Variants in BEND6 observed in about 807,000 individuals in gnomAD.
The protein encoded by BEND6 is BEN domain containing 6.
BEND6 carries 24 observed loss-of-function variants against 31.8 expected under a neutral mutation model. The observed-to-expected ratio is 0.75, with a 90% CI of 0.55 to 1.06. The LOEUF is 1.06. Among genes scored for constraint, BEND6 ranks in the 50% least tolerant of loss-of-function variants. BEND6 has a pLI of 0.00. For missense variants in BEND6, 294 were observed against 327.4 expected (o/e 0.90, Z 0.79); for synonymous variants, 109 against 114.6 (o/e 0.95, Z 0.31).
In BEND6 at chr6:57,008,189, A is replaced by G. The variant is rs1827226315; in HGVS notation, c.299-6944A>G. ...TCTTATCTCCTTTACAGCTTGGTCC[A>G]GAGAGCTGCCTTAGACTCTCCAATG... On this transcript the variant is annotated intron_variant, in intron 3 of 6. Transcript: ENST00000370746. 5.7e-6 allele frequency: 4 copies of G among 702,964 alleles called. No homozygotes were observed. The Admixed American group carries it at 8.0e-5, about 14-fold the overall frequency. 43.5% of individuals were successfully genotyped at this position (702,964 alleles called of 1,614,324 possible).
intron 3 of BEND6, among the ~76,000 whole-genome samples, chr6:57,003,542 A>AC (rs58099889): frequency 0.015 from 2,294 of 151,810 alleles, 46 homozygotes; most frequent in African/African-American, 0.044. Flanking sequence ...AACAACAACA[A>AC]AAACTACCAA....
At chr6:56,968,061 G>T (rs1825547802) in intron 1 of BEND6, among the ~76,000 whole-genome samples, 1 of 152,160 alleles carries the variant, frequency 6.6e-6, no homozygotes, top group Non-Finnish European at 1.5e-5. Flanking sequence ...GAATTGGAGA[G>T]ATCCAAGGAT....
intron 3 of BEND6, chr6:57,014,547 G>T (rs1827462633): frequency 6.8e-7 from 1 of 1,472,732 alleles, no homozygotes; most frequent in Admixed American, 2.5e-5. Flanking sequence ...TTTGAAAAAA[G>T]GAACAAAGAA....
chr6:57,017,873 T>C (rs1827618096), intron 5 of BEND6, among the ~76,000 whole-genome samples: 1 of 152,196 alleles, frequency 6.6e-6, no homozygotes, highest in African/African-American at 2.4e-5. Context: ...CCTAGCTCTA[T>C]ATATGTCATT....
At chr6:56,975,974 A>G (rs2127847951) in intron 1 of BEND6, 1 of 518,000 alleles carries the variant, frequency 1.9e-6, no homozygotes, top group Non-Finnish European at 3.9e-6. Flanking sequence ...GGTCGACGCC[A>G]TGTGCAGTCA....
intron 1 of BEND6, among the ~76,000 whole-genome samples, chr6:56,964,371 T>C (rs1339135967): frequency 6.6e-6 from 1 of 152,226 alleles, no homozygotes; most frequent in East Asian, 1.9e-4. Context: ...CCTCTTTCTG[T>C]GAACAGGATG....
At chr6:57,015,424 A>G in intron 4 of BEND6, 71 bp downstream of exon 4, 1 of 1,319,574 alleles carries the variant, frequency 7.6e-7, no homozygotes, top group Non-Finnish European at 1.1e-6. Context: ...AGGGTGGAAA[A>G]TGATCATTGT....
At chr6:56,969,797 GTTAAAA>G (rs1825626065) in intron 1 of BEND6, among the ~76,000 whole-genome samples, 1 of 150,952 alleles carries the variant, frequency 6.6e-6, no homozygotes, top group South Asian at 2.1e-4. Context: ...TCATTGATTT[GTTAAAA>G]TTAAACATAA....
chr6:56,985,407 C>T lies in BEND6; in HGVS notation c.120+3477C>T, dbSNP rs138634710. Among the ~76,000 whole-genome samples, 540 of 152,200 alleles carry T rather than the reference C, an allele frequency of 3.5e-3. 1 individual carries two copies. Among genetic ancestry groups the T allele is most frequent in the Non-Finnish European group, 5.1e-3 (346 of 68,006 alleles). ...TCCACATGTTGAGTGTCCCTCTTAC[C>T]TTGTTGATCTACCTTCCTCAACACA... On this transcript the variant is annotated intron_variant, in intron 2 of 6. Coordinates refer to ENST00000370746, the MANE Select transcript of BEND6 (RefSeq NM_152731.3).
chr6:56,964,806 C>T (rs1825411462), intron 1 of BEND6, among the ~76,000 whole-genome samples: 1 of 152,196 alleles, frequency 6.6e-6, no homozygotes, highest in African/African-American at 2.4e-5. Context: ...TCTTCTCAGT[C>T]TTTGACACTT....
At chr6:56,974,192 T>A (rs1282453251) in intron 1 of BEND6, among the ~76,000 whole-genome samples, 1 of 152,174 alleles carries the variant, frequency 6.6e-6, no homozygotes, top group Non-Finnish European at 1.5e-5. Flanking sequence ...GTCGGTAATA[T>A]GTGCGGTAAT....
chr6:57,005,604 C>T (rs532032851), intron 3 of BEND6, among the ~76,000 whole-genome samples: 7 of 151,530 alleles, frequency 4.6e-5, no homozygotes, highest in Middle Eastern at 3.4e-3. Context: ...CGCTTGAACC[C>T]GGGAGACGGA....
intron 3 of BEND6, chr6:57,008,271 T>C (rs6925819): frequency 0.99 from 698,291 of 702,588 alleles, 347,126 homozygotes; most frequent in East Asian, 1. Flanking sequence ...CGGGTCCTGG[T>C]GCTAGGAATC....
chr6:56,992,437 G>A lies in BEND6; in HGVS notation c.180G>A (p.Glu60=), dbSNP rs201522335. 3.4e-4 allele frequency: 548 copies of A among 1,614,062 alleles called. 5 individuals carry two copies. The highest frequency in any genetic ancestry group is 2.7e-3 in the South Asian group (245 of 91,076). The change falls in exon 3 of 7, where the codon GAG becomes GAA. Residue 60 remains glutamate (E), a synonymous_variant. Transcript: ENST00000370746. ...GTGAAAGCTCCAGTGAGGATGAAGAGCCTTTAGCAGAATTGTCAAAGGAAG... is the reference window on the plus strand; with the variant it reads ...GTGAAAGCTCCAGTGAGGATGAAGAACCTTTAGCAGAATTGTCAAAGGAAG... ...LPGESSSEDE[E]PLAELSKEEL...
chr6:57,011,715 CAAAA>C (rs770049459), intron 3 of BEND6, among the ~76,000 whole-genome samples: 2 of 34,112 alleles, frequency 5.9e-5, no homozygotes, highest in African/African-American at 2.1e-4. Flanking sequence ...GGCCCTGTCT[CAAAA>C]AAAAAAAAAA....
chr6:56,969,381 T>C (rs931994007), intron 1 of BEND6, among the ~76,000 whole-genome samples: 2 of 152,176 alleles, frequency 1.3e-5, no homozygotes, highest in African/African-American at 4.8e-5. Context: ...CTAAAACTAG[T>C]AGTCCGTTTT....
chr6:56,982,688 TTAAA>T (rs1364242613), intron 2 of BEND6, among the ~76,000 whole-genome samples: 1 of 152,122 alleles, frequency 6.6e-6, no homozygotes, highest in African/African-American at 2.4e-5. Flanking sequence ...AAAATATTTT[TTAAA>T]GGTAAACGGT....
chr6:57,011,744 A>AG (rs1827355806), intron 3 of BEND6, among the ~76,000 whole-genome samples: 1 of 148,002 alleles, frequency 6.8e-6, no homozygotes, highest in Non-Finnish European at 1.5e-5. Context: ...AAGAAAAAAA[A>AG]AGAAAAGAAA....
chr6:56,977,131 A>G (rs1007611131), intron 1 of BEND6, among the ~76,000 whole-genome samples: 4 of 152,264 alleles, frequency 2.6e-5, no homozygotes, highest in African/African-American at 9.6e-5. Flanking sequence ...AGATAGTGAA[A>G]TTATAATAAT....
Sources: allele counts gnomAD v4.1 joint callset (sites outside exome capture counted in the v4.1 genomes callset), GRCh38; gene constraint gnomAD v4.1.1; transcripts MANE v1.5; gene names NCBI Gene and HGNC (gene_info 2026-07-23, HGNC 2026-07-21).